Variants in GTF2H1 observed in about 807,000 individuals in gnomAD.
GTF2H1 encodes the protein BTF2 p62.
A neutral mutation model predicts 71.2 loss-of-function variants in GTF2H1; 16 were observed. The ratio of observed to expected loss-of-function variants is 0.22; its 90% confidence interval spans 0.15 to 0.34. The LOEUF (loss-of-function observed/expected upper bound fraction) is 0.34, where lower values mean the gene tolerates loss of function less well. Ranked by LOEUF, GTF2H1 falls within the 10% of genes least tolerant of loss-of-function variation. The pLI is 1.00. For missense variants in GTF2H1, 498 were observed against 648.2 expected, an observed-to-expected ratio of 0.77 and a Z score of 2.52; for synonymous variants, 215 against 219.0, an observed-to-expected ratio of 0.98 and a Z score of 0.16.
At chr11:18,362,795 C>T (rs143610583) in intron 14 of GTF2H1, among the ~76,000 whole-genome samples, 6,608 of 151,050 alleles carry the variant, frequency 0.044, 246 homozygotes, top group African/African-American at 0.1. Flanking sequence ...CTCAGCCTCC[C>T]GAGTAGCTGG....
intron 1 of GTF2H1, among the ~76,000 whole-genome samples, chr11:18,328,184 CAG>C (rs1484419955): frequency 3.1e-5 from 4 of 130,518 alleles, no homozygotes; most frequent in South Asian, 2.4e-4. Context: ...GCCTGGGTGA[CAG>C]AGGGAGACTC....
intron 3 of GTF2H1, 27 bp from the exon 4 acceptor site, chr11:18,338,082 T>G: frequency 1.3e-6 from 2 of 1,537,336 alleles, no homozygotes; most frequent in African/African-American, 2.7e-5. Context: ...AGAAGTTCAG[T>G]TATATTCAGT....
rs4150640 is a variant in GTF2H1, at chr11:18,348,139, TTTTG to T, written c.1053+240_1053+243del. 1,074 of 580,014 alleles carry T rather than the reference TTTTG, an allele frequency of 1.9e-3. 2 individuals carry two copies. Among genetic ancestry groups the T allele is most frequent in the Non-Finnish European group, 1.7e-3 (555 of 328,778 alleles). The allele number at this position is 580,014 out of a possible 1,614,324, so 35.9% of individuals were successfully genotyped here. ...TAGCCTGTTAGCCATTTTTATTGTTTTTTGTTTGTTTGTTTGTTTGTTTTCCTCA... is the reference window on the plus strand; with the variant it reads ...TAGCCTGTTAGCCATTTTTATTGTTTTTTGTTTGTTTGTTTGTTTTCCTCA... On this transcript the variant is annotated intron_variant, in intron 9 of 14. Coordinates refer to ENST00000265963, the MANE Select transcript of GTF2H1 (RefSeq NM_005316.4).
At chr11:18,344,612 GTC>G (rs1329630909) in intron 7 of GTF2H1, among the ~76,000 whole-genome samples, 3 of 74,994 alleles carry the variant, frequency 4.0e-5, no homozygotes, top group Non-Finnish European at 7.7e-5. Flanking sequence ...GAGTGAGACT[GTC>G]TCAAAAAAAA....
At chr11:18,344,345 C>T (rs985737752) in intron 7 of GTF2H1, among the ~76,000 whole-genome samples, 4 of 152,058 alleles carry the variant, frequency 2.6e-5, no homozygotes, top group Non-Finnish European at 2.9e-5. Context: ...ATAGGCCGGG[C>T]GTGGTGGCTC....
chr11:18,361,611 G>A (rs1865701418), intron 14 of GTF2H1, among the ~76,000 whole-genome samples: 1 of 152,222 alleles, frequency 6.6e-6, no homozygotes, highest in South Asian at 2.1e-4. Context: ...AGGGGTTGCG[G>A]TGAGCCGAGG....
chr11:18,363,558 A>G (rs1361608535), intron 14 of GTF2H1, among the ~76,000 whole-genome samples: 2 of 152,224 alleles, frequency 1.3e-5, no homozygotes, highest in African/African-American at 4.8e-5. Flanking sequence ...TAGGATAAAT[A>G]AAAGGGGAGT....
chr11:18,336,590 C>T, intron 3 of GTF2H1, among the ~76,000 whole-genome samples: 1 of 152,142 alleles, frequency 6.6e-6, no homozygotes, highest in Non-Finnish European at 1.5e-5. Context: ...TCATGCTTAA[C>T]ATCTGCTTAG....
At chr11:18,362,247 A>G (rs1014141078) in intron 14 of GTF2H1, among the ~76,000 whole-genome samples, 2 of 152,204 alleles carry the variant, frequency 1.3e-5, no homozygotes, top group Non-Finnish European at 2.9e-5. Context: ...TGCAGTAAAA[A>G]TTCAGTATAA....
In GTF2H1 at chr11:18,359,132, T is replaced by A. The variant is rs190282272; in HGVS notation, c.1467+492T>A. On this transcript the variant is annotated intron_variant, in intron 13 of 14. Transcript: ENST00000265963. ...ATTAAGTAAAAGATAAAGACCTCAT[T>A]AAGCACAATAGGCAAACACTTTACA... 7.2e-4 allele frequency among the ~76,000 whole-genome samples: 110 copies of A among 152,348 alleles called. 1 individual carries two copies. The highest frequency in any genetic ancestry group is 1.3e-3 in the Non-Finnish European group (90 of 68,028).
chr11:18,352,458 C>T lies in GTF2H1; in HGVS notation c.1260+12C>T. 9.4e-7 allele frequency: 1 copy of T among 1,061,054 alleles called. No homozygotes were observed. Among genetic ancestry groups the T allele is most frequent in the Non-Finnish European group, 1.5e-6 (1 of 678,248 alleles). 65.7% of individuals were successfully genotyped at this position (1,061,054 alleles called of 1,614,324 possible). A position where few individuals can be genotyped will look rare whatever the true frequency, so the allele number is the denominator to read the frequency against. On this transcript the variant is annotated intron_variant, in intron 11 of 14. Coordinates refer to ENST00000265963, the MANE Select transcript of GTF2H1 (RefSeq NM_005316.4). ...CCAAGTTAACTCAGGTAGGTGACTT[C>T]TACTGTTTGAAGGCCAGAATTCCCA...
At chr11:18,360,915 C>T (rs1377343332) in intron 14 of GTF2H1, 4 of 431,514 alleles carry the variant, frequency 9.3e-6, no homozygotes, top group South Asian at 2.9e-5. Context: ...AAGCGATTCT[C>T]CTGCCTCAGC....
intron 1 of GTF2H1, 59 bp from the exon 2 acceptor site, chr11:18,333,001 A>G: frequency 8.1e-7 from 1 of 1,239,614 alleles, no homozygotes; most frequent in South Asian, 1.6e-5. Flanking sequence ...AAGTCAACAA[A>G]TTCAACCCTA....
rs940950542 is a variant in GTF2H1, at chr11:18,364,966, A to G, written c.1561-817A>G. On this transcript the variant is annotated intron_variant, in intron 14 of 14. Transcript: ENST00000265963. ...TATACGGGGCTGGGCACAGCAGCTC[A>G]CGCCTGTAATCCCAGCACTTTGAGA... Among the ~76,000 whole-genome samples, 59 of 151,564 alleles carry G rather than the reference A, an allele frequency of 3.9e-4. 3 individuals are homozygous for G. The highest frequency in any genetic ancestry group is 3.9e-3 in the Admixed American group (59 of 15,162).
At chr11:18,336,053 G>A in intron 3 of GTF2H1, 107 bp downstream of exon 3, 1 of 739,232 alleles carries the variant, frequency 1.4e-6, no homozygotes, top group Non-Finnish European at 2.1e-6. Context: ...TTTTGGTTTT[G>A]GTTTTTTGTT....
rs553099770 is a variant in GTF2H1 at position 18,341,598 on chromosome 11, A to G, written c.828A>G (p.Pro276=). The change falls in exon 7 of 15, where the codon CCA becomes CCG. Residue 276 remains proline (P), a synonymous_variant. Coordinates refer to ENST00000265963, the MANE Select transcript of GTF2H1 (RefSeq NM_005316.4). ...LLDLTALEDK[P]LDEGYGISSV... ...ATTTAACAGCTTTGGAAGATAAACCATTAGATGAGGTAAGAAGCAATAAAA... is the reference window on the plus strand; with the variant it reads ...ATTTAACAGCTTTGGAAGATAAACCGTTAGATGAGGTAAGAAGCAATAAAA... 26 of 1,591,754 alleles carry G rather than the reference A, an allele frequency of 1.6e-5. No homozygotes were observed. In the South Asian group the frequency reaches 2.5e-4, roughly 15 times the overall value.
chr11:18,340,092 TCTTACCC>T (rs963204023), intron 5 of GTF2H1, among the ~76,000 whole-genome samples: 7 of 152,120 alleles, frequency 4.6e-5, no homozygotes, highest in African/African-American at 1.7e-4. Flanking sequence ...TCTTCCCCAC[TCTTACCC>T]CTTTAGTCCC....
intron 1 of GTF2H1, among the ~76,000 whole-genome samples, chr11:18,332,189 G>C (rs1452701206): frequency 6.6e-6 from 1 of 152,152 alleles, no homozygotes; most frequent in Non-Finnish European, 1.5e-5. Context: ...ATTTGCCCAG[G>C]GCAAACGTAA....
chr11:18,359,454 A>G (rs1220341552), intron 13 of GTF2H1, among the ~76,000 whole-genome samples: 2 of 152,322 alleles, frequency 1.3e-5, no homozygotes, highest in Admixed American at 1.3e-4. Flanking sequence ...TCTTAAAATG[A>G]TCAATGTTGA....
Sources: allele counts gnomAD v4.1 joint callset (sites outside exome capture counted in the v4.1 genomes callset), GRCh38; gene constraint gnomAD v4.1.1; transcripts MANE v1.5; gene names NCBI Gene and HGNC (gene_info 2026-07-23, HGNC 2026-07-21).